The following CDK14 variants were observed in gnomAD, a reference collection of about 807,000 sequenced individuals.
CDK14 encodes cyclin-dependent kinase 14.
A neutral mutation model predicts 60.7 loss-of-function variants in CDK14; 34 were observed. That is an observed-to-expected ratio of 0.56 (90% confidence interval 0.43 to 0.75). The LOEUF is 0.75. Ranked by LOEUF, CDK14 falls within the 30% of genes least tolerant of loss-of-function variation. The pLI is 0.00. For missense variants in CDK14, 482 were observed against 564.1 expected (o/e 0.85, Z 1.47); for synonymous variants, 197 against 203.7 (o/e 0.97, Z 0.28).
intron 14 of CDK14, among the ~76,000 whole-genome samples, chr7:91,196,139 A>G (rs1302351166): frequency 7.9e-5 from 12 of 152,082 alleles, no homozygotes; most frequent in Admixed American, 6.5e-5. Context: ...CCCCTTCCCA[A>G]TCTTGAGCTC....
chr7:91,042,645 T>A (rs187893450), intron 10 of CDK14, among the ~76,000 whole-genome samples: 1 of 152,316 alleles, frequency 6.6e-6, no homozygotes, highest in Admixed American at 6.5e-5. Flanking sequence ...TTTCAGTATA[T>A]CACAGATGGA....
At chr7:91,006,878 G>A (rs564724818) in intron 10 of CDK14, among the ~76,000 whole-genome samples, 11 of 152,302 alleles carry the variant, frequency 7.2e-5, no homozygotes, top group African/African-American at 2.2e-4. Context: ...TGCTTGAACA[G>A]TTGCATAATG....
intron 8 of CDK14, among the ~76,000 whole-genome samples, chr7:90,939,931 G>A (rs912411964): frequency 6.6e-6 from 1 of 152,048 alleles, no homozygotes; most frequent in African/African-American, 2.4e-5. Flanking sequence ...CAGTTTTCCT[G>A]CCATGCCATG....
At chr7:90,764,199 T>G (rs1013261101) in intron 4 of CDK14, among the ~76,000 whole-genome samples, 1 of 152,216 alleles carries the variant, frequency 6.6e-6, no homozygotes, top group Non-Finnish European at 1.5e-5. Flanking sequence ...ATGAACTTTA[T>G]GTACAGTTCT....
intron 14 of CDK14, among the ~76,000 whole-genome samples, chr7:91,132,407 G>A (rs896723443): frequency 1.6e-4 from 24 of 152,210 alleles, no homozygotes; most frequent in African/African-American, 4.3e-4. Context: ...GAGAAGACAC[G>A]CGCAGAGAAA....
intron 3 of CDK14, among the ~76,000 whole-genome samples, chr7:90,735,040 T>C (rs961027108): frequency 3.3e-5 from 5 of 152,148 alleles, no homozygotes; most frequent in Non-Finnish European, 7.3e-5. Flanking sequence ...TTCCTTTCTG[T>C]TTGTTAGTTT....
chr7:90,745,402 T>C (rs1437466409), intron 3 of CDK14, among the ~76,000 whole-genome samples: 3 of 152,242 alleles, frequency 2.0e-5, no homozygotes, highest in African/African-American at 7.2e-5. Flanking sequence ...TTACAATCTA[T>C]GACAATATGC....
At chr7:91,025,141 C>A (rs1796536866) in intron 10 of CDK14, among the ~76,000 whole-genome samples, 1 of 152,112 alleles carries the variant, frequency 6.6e-6, no homozygotes. Context: ...TGTTTCTAAT[C>A]TAGTAACAGC....
chr7:91,082,836 A>G (rs1052321846), intron 12 of CDK14, among the ~76,000 whole-genome samples: 4 of 152,182 alleles, frequency 2.6e-5, no homozygotes, highest in Non-Finnish European at 5.9e-5. Flanking sequence ...GTGGTGCTCT[A>G]TTGTATTTTT....
chr7:90,872,470 A>C (rs1476552028), intron 6 of CDK14, among the ~76,000 whole-genome samples: 1 of 152,194 alleles, frequency 6.6e-6, no homozygotes, highest in Non-Finnish European at 1.5e-5. Flanking sequence ...AATAAAAAGG[A>C]AACAAGCTAG....
At chr7:90,809,909 GACT>G (rs1432484945) in intron 5 of CDK14, among the ~76,000 whole-genome samples, 1 of 152,102 alleles carries the variant, frequency 6.6e-6, no homozygotes, top group Admixed American at 6.6e-5. Context: ...ACCCTCCCAA[GACT>G]AAACCAGGAA....
chr7:90,690,677 C>T (rs1287891904), intron 2 of CDK14, among the ~76,000 whole-genome samples: 1 of 152,118 alleles, frequency 6.6e-6, no homozygotes, highest in East Asian at 1.9e-4. Context: ...ATGGCGTTCT[C>T]TAGCTACAGA....
In CDK14 at chr7:91,045,407, A is replaced by T. The variant is rs1366091527; in HGVS notation, c.1042-490A>T. Reference sequence around the variant, plus strand: ...TCACGTAATTACAGATTTTAACTGTAATGAGAGAATTTGAGCATTCTAAGC... The same window carrying T: ...TCACGTAATTACAGATTTTAACTGTTATGAGAGAATTTGAGCATTCTAAGC... On this transcript the variant is annotated intron_variant, in intron 10 of 14. Transcript: ENST00000380050. Among the ~76,000 whole-genome samples the T allele has an allele frequency of 2.0e-5, 3 of 152,228 alleles. No homozygotes were observed. In the South Asian group the frequency reaches 6.2e-4, roughly 32 times the overall value.
intron 5 of CDK14, among the ~76,000 whole-genome samples, chr7:90,843,875 T>C (rs1790378724): frequency 6.6e-6 from 1 of 152,186 alleles, no homozygotes; most frequent in Non-Finnish European, 1.5e-5. Context: ...CTATGATCTA[T>C]ATAATGTAAT....
intron 2 of CDK14, among the ~76,000 whole-genome samples, chr7:90,702,881 G>A (rs1801817341): frequency 6.6e-6 from 1 of 152,064 alleles, no homozygotes; most frequent in African/African-American, 2.4e-5. Context: ...TTTTAAGAGG[G>A]TTTTCTTCCT....
intron 8 of CDK14, among the ~76,000 whole-genome samples, chr7:90,926,090 G>A (rs2117451112): frequency 6.6e-6 from 1 of 152,260 alleles, no homozygotes; most frequent in South Asian, 2.1e-4. Flanking sequence ...ATTGTTACCA[G>A]TGTCTTTAGA....
chr7:91,175,374 T>G (rs1801696212), intron 14 of CDK14, among the ~76,000 whole-genome samples: 1 of 151,536 alleles, frequency 6.6e-6, no homozygotes, highest in Non-Finnish European at 1.5e-5. Flanking sequence ...GTAAAGACCA[T>G]CGAGACTAGG....
intron 12 of CDK14, among the ~76,000 whole-genome samples, chr7:91,090,942 G>A (rs1798785733): frequency 1.3e-5 from 2 of 151,876 alleles, no homozygotes; most frequent in South Asian, 4.2e-4. Context: ...GTGCTAAAAT[G>A]TGTCGGGCTA....
At chr7:90,988,104 G>T (rs978746118) in intron 10 of CDK14, among the ~76,000 whole-genome samples, 4 of 152,032 alleles carry the variant, frequency 2.6e-5, no homozygotes, top group Non-Finnish European at 2.9e-5. Flanking sequence ...AATAAAGATC[G>T]GTTAGTAAAA....
Sources: allele counts gnomAD v4.1 joint callset (sites outside exome capture counted in the v4.1 genomes callset), GRCh38; gene constraint gnomAD v4.1.1; transcripts MANE v1.5; gene names NCBI Gene and HGNC (gene_info 2026-07-23, HGNC 2026-07-21).